The following F2R variants were observed in gnomAD, a reference collection of about 807,000 sequenced individuals.
The protein encoded by F2R is proteinase-activated receptor 1.
Under a neutral mutation model 18.3 loss-of-function variants are expected in F2R, and 12 were observed. The observed-to-expected ratio is 0.66, with a 90% confidence interval of 0.42 to 1.06. F2R has a LOEUF of 1.06. F2R is among the 50% of genes least tolerant of loss of function. F2R has a pLI of 0.00. For synonymous variants in F2R, 210 were observed against 219.9 expected (o/e 0.95, Z 0.40); for missense variants, 438 against 530.8 (o/e 0.83, Z 1.72).
At chr5:76,717,495 G>A (rs974211183) in intron 1 of F2R, among the ~76,000 whole-genome samples, 1 of 152,094 alleles carries the variant, frequency 6.6e-6, no homozygotes, top group African/African-American at 2.4e-5. Context: ...AGATTAAGAG[G>A]TGACAAAGAC....
chr5:76,720,137 A>G (rs1748419706), intron 1 of F2R, among the ~76,000 whole-genome samples: 2 of 152,228 alleles, frequency 1.3e-5, no homozygotes, highest in South Asian at 2.1e-4. Flanking sequence ...CTTTATTTTT[A>G]TAGAACATAC....
intron 1 of F2R, chr5:76,716,932 C>T: frequency 2.2e-6 from 1 of 464,910 alleles, no homozygotes; most frequent in Non-Finnish European, 3.8e-6. Flanking sequence ...GCCCCCGGCC[C>T]GGCCTTGTGT....
intron 1 of F2R, among the ~76,000 whole-genome samples, chr5:76,723,375 TG>T (rs1289680641): frequency 4.6e-5 from 7 of 152,252 alleles, no homozygotes; most frequent in Middle Eastern, 3.2e-3. Flanking sequence ...CCTTTGGAGC[TG>T]GGCAGACCTA....
Position 76,716,133 on chromosome 5 carries a change from C to A in F2R, c.-175C>A. 1 of 465,654 alleles carries A rather than the reference C, an allele frequency of 2.1e-6. No homozygotes were observed. Among genetic ancestry groups the A allele is most frequent in the Non-Finnish European group, 3.5e-6 (1 of 282,798 alleles). The allele number at this position is 465,654 out of a possible 1,614,324, so 28.8% of individuals were successfully genotyped here. On this transcript the variant is annotated 5_prime_UTR_variant, in exon 1 of 2. Transcript: ENST00000319211. ...GTCCCGCCCCGCCCCGCTAACCGCC[C>A]CAGACACAGCGCTCGCCGAGGGTCG...
chr5:76,717,486 G>T (rs1748368722), intron 1 of F2R, among the ~76,000 whole-genome samples: 1 of 152,108 alleles, frequency 6.6e-6, no homozygotes, highest in Non-Finnish European at 1.5e-5. Flanking sequence ...GACACATCAA[G>T]ATTAAGAGGT....
chr5:76,721,887 A>C (rs1318585491), intron 1 of F2R, among the ~76,000 whole-genome samples: 1 of 151,778 alleles, frequency 6.6e-6, no homozygotes, highest in African/African-American at 2.4e-5. Context: ...TTTCCACACT[A>C]TATTCTATTT....
At chr5:76,730,029 A>G (rs1748640907) in intron 1 of F2R, among the ~76,000 whole-genome samples, 1 of 152,234 alleles carries the variant, frequency 6.6e-6, no homozygotes, top group Admixed American at 6.5e-5. Context: ...GCCATGTGGA[A>G]CTGTAAGTCC....
At chr5:76,727,628 T>C in intron 1 of F2R, among the ~76,000 whole-genome samples, 1 of 152,088 alleles carries the variant, frequency 6.6e-6, no homozygotes, top group Admixed American at 6.5e-5. Context: ...TCTGAGTTGG[T>C]ACTACTCTAG....
Position 76,733,532 on chromosome 5 carries a change from A to G in F2R, c.*29A>G, listed in dbSNP as rs777725871. ...AAGGGACTGCTGGGAGGTTAAAAAGAAAAGTTTATAAAAGTGAATAACCTG... is the reference window on the plus strand; with the variant it reads ...AAGGGACTGCTGGGAGGTTAAAAAGGAAAGTTTATAAAAGTGAATAACCTG... On this transcript the variant is annotated 3_prime_UTR_variant, in exon 2 of 2. Coordinates refer to ENST00000319211, the MANE Select transcript of F2R (RefSeq NM_001992.5). 9.9e-6 allele frequency: 15 copies of G among 1,518,972 alleles called. No individual in the cohort carries two copies. Among genetic ancestry groups the G allele is most frequent in the South Asian group, 1.3e-5 (1 of 78,988 alleles). The allele number at this position is 1,518,972 out of a possible 1,614,324, so 94.1% of individuals were successfully genotyped here.
At chr5:76,719,099 A>G (rs1748399558) in intron 1 of F2R, among the ~76,000 whole-genome samples, 1 of 151,962 alleles carries the variant, frequency 6.6e-6, no homozygotes, top group African/African-American at 2.4e-5. Flanking sequence ...CCCTCCCCAT[A>G]TCCCATACCC....
intron 1 of F2R, among the ~76,000 whole-genome samples, chr5:76,724,555 A>G (rs183987976): frequency 8.0e-6 from 1 of 124,816 alleles, no homozygotes; most frequent in Non-Finnish European, 1.9e-5. Context: ...AAACTAAGCC[A>G]TCTGTCTTAG....
At position 76,733,559 on chromosome 5, in the gene F2R, G is replaced by A; in HGVS notation, c.*56G>A. 7.2e-7 allele frequency: 1 copy of A among 1,391,226 alleles called. No individual in the cohort carries two copies. The highest frequency in any genetic ancestry group is 9.7e-7 in the Non-Finnish European group (1 of 1,028,784). 86.2% of individuals were successfully genotyped at this position (1,391,226 alleles called of 1,614,324 possible). On this transcript the variant is annotated 3_prime_UTR_variant, in exon 2 of 2. Coordinates refer to ENST00000319211, the MANE Select transcript of F2R (RefSeq NM_001992.5). ...AAGTTTATAAAAGTGAATAACCTGA[G>A]GATTCTATTAGTCCCCACCCAAACT...
At chr5:76,716,842 C>T (rs989349345) in intron 1 of F2R, 5 of 530,982 alleles carry the variant, frequency 9.4e-6, no homozygotes, top group African/African-American at 8.0e-5. Context: ...TTTTCTTGCA[C>T]ATTTTACAGG....
intron 1 of F2R, among the ~76,000 whole-genome samples, chr5:76,726,332 C>T (rs1007520923): frequency 6.6e-6 from 1 of 151,582 alleles, no homozygotes; most frequent in African/African-American, 2.4e-5. Flanking sequence ...AAGATAGAGA[C>T]CATCCTGGCT....
Position 76,732,926 on chromosome 5 carries a change from TAG to T in F2R, c.702_703del (p.Val235AlafsTer21). The T allele has an allele frequency of 6.2e-7, 1 of 1,614,106 alleles. No individual in the cohort carries two copies. The highest frequency in any genetic ancestry group is 2.2e-5 in the East Asian group (1 of 44,876). ...ATCTGGGCTTTGGCCATCGCAGGGGTAGTGCCTCTGCTCCTCAAGGAGCAAAC... is the reference window on the plus strand; with the variant it reads ...ATCTGGGCTTTGGCCATCGCAGGGGTTGCCTCTGCTCCTCAAGGAGCAAAC... On this transcript the variant is annotated frameshift_variant, in exon 2 of 2. Coordinates refer to ENST00000319211, the MANE Select transcript of F2R (RefSeq NM_001992.5). LOFTEE classifies it high-confidence loss of function.
chr5:76,723,605 C>A (rs1748507726), intron 1 of F2R, among the ~76,000 whole-genome samples: 1 of 152,124 alleles, frequency 6.6e-6, no homozygotes, highest in African/African-American at 2.4e-5. Flanking sequence ...TTCCATATTC[C>A]AGAAAAGCTT....
Position 76,733,139 on chromosome 5 carries a change from G to T in F2R, c.914G>T (p.Arg305Leu), listed in dbSNP as rs749663411. 1 of 1,614,150 alleles carries T rather than the reference G, an allele frequency of 6.2e-7. No individual in the cohort carries two copies. The highest frequency in any genetic ancestry group is 8.5e-7 in the Non-Finnish European group (1 of 1,180,038). The change falls in exon 2 of 2, where the codon CGC becomes CTC. Residue 305 changes from arginine (R) to leucine (L), a missense_variant. Coordinates refer to ENST00000319211, the MANE Select transcript of F2R (RefSeq NM_001992.5). The stretch of plus-strand genomic sequence containing the variant: ...CTTAGCTCTTCCGCAGTTGCCAACC[G>T]CAGCAAGAAGTCCCGGGCTTTGTTC... ...RCLSSSAVAN[R>L]SKKSRALFLS... is the part of the protein sequence containing the mutation.
At chr5:76,722,796 C>A (rs1390137413) in intron 1 of F2R, among the ~76,000 whole-genome samples, 3 of 151,968 alleles carry the variant, frequency 2.0e-5, no homozygotes, top group Non-Finnish European at 4.4e-5. Flanking sequence ...ACTAAAAATA[C>A]AAAAATTAGC....
In F2R at chr5:76,729,463, T is replaced by C. The variant is rs540988090; in HGVS notation, c.89-2851T>C. On this transcript the variant is annotated intron_variant, in intron 1 of 1. Transcript: ENST00000319211. ...TGCTTTCATTTCATAAATTTTCTCT[T>C]CACTGTTGATTGTTTCCTTTGCTGT... Among the ~76,000 whole-genome samples the C allele has an allele frequency of 2.6e-4, 40 of 152,356 alleles. No individual in the cohort carries two copies. In the South Asian group the frequency reaches 5.6e-3, roughly 21 times the overall value.
Sources: allele counts gnomAD v4.1 joint callset (sites outside exome capture counted in the v4.1 genomes callset), GRCh38; gene constraint gnomAD v4.1.1; transcripts MANE v1.5; gene names NCBI Gene and HGNC (gene_info 2026-07-23, HGNC 2026-07-21).